PDPN: variants seen among roughly 807,000 people sequenced by gnomAD.
PDPN encodes PA2.26 antigen.
Under a neutral mutation model 23.2 loss-of-function variants are expected in PDPN, and 12 were observed. The ratio of observed to expected loss-of-function variants is 0.52; its 90% confidence interval spans 0.33 to 0.84. The LOEUF (loss-of-function observed/expected upper bound fraction) is 0.84, where lower values mean the gene tolerates loss of function less well. Among genes scored for constraint, PDPN ranks in the 40% least tolerant of loss-of-function variants. The probability of loss-of-function intolerance (pLI) is 0.02; values close to 1 mark genes in which losing one functional copy is unlikely to be tolerated. For synonymous variants in PDPN, 77 were observed against 76.7 expected, an observed-to-expected ratio of 1.00 and a Z score of -0.02; for missense variants, 199 against 212.2, an observed-to-expected ratio of 0.94 and a Z score of 0.39.
At position 13,604,890 on chromosome 1, in the gene PDPN, C is replaced by G. The variant is rs143853597; in HGVS notation, c.68-2283C>G. Among the ~76,000 whole-genome samples, 43 of 152,248 alleles carry G rather than the reference C, an allele frequency of 2.8e-4. No individual in the cohort carries two copies. In the East Asian group the frequency reaches 6.6e-3, roughly 23 times the overall value. On this transcript the variant is annotated intron_variant, in intron 1 of 5. Coordinates refer to ENST00000621990, the MANE Select transcript of PDPN (RefSeq NM_006474.5). ...GCCAATCACCAACCCTCACCTCTAC[C>G]CCTACTCCAGCAAAAGGCCACATGG...
Position 13,617,203 on chromosome 1 carries a change from G to T in PDPN, c.*1292G>T, listed in dbSNP as rs1641094977. On this transcript the variant is annotated 3_prime_UTR_variant, in exon 6 of 6. Coordinates refer to ENST00000621990, the MANE Select transcript of PDPN (RefSeq NM_006474.5). ...AACAAAGTTTTTACACTGAGCAGAT[G>T]CTCTGTCATGATGGCGGTTGTGCAA... The T allele has an allele frequency of 1.3e-5, 2 of 150,780 alleles. No individual in the cohort carries two copies. Among genetic ancestry groups the T allele is most frequent in the Admixed American group, 6.6e-5 (1 of 15,148 alleles). 9.3% of individuals were successfully genotyped at this position (150,780 alleles called of 1,614,324 possible).
chr1:13,596,533 G>C (rs751696345), intron 1 of PDPN, among the ~76,000 whole-genome samples: 1 of 152,212 alleles, frequency 6.6e-6, no homozygotes, highest in Admixed American at 6.5e-5. Flanking sequence ...TGTCGATCAC[G>C]ACCAGTGGCT....
chr1:13,584,324 G>A (rs1427044671), intron 1 of PDPN: 3 of 1,493,936 alleles, frequency 2.0e-6, no homozygotes, highest in African/African-American at 2.8e-5. Flanking sequence ...AGGAGCCCCG[G>A]AATCCACAGG....
chr1:13,583,953 T>C lies in PDPN; in HGVS notation c.-81T>C. ...GTCGCGCTCCTCCAGGCTGGGCCTG[T>C]GGCCGCGGTGCTTTTTAATTTTCCC... On this transcript the variant is annotated 5_prime_UTR_variant, in exon 1 of 6. Coordinates refer to ENST00000621990, the MANE Select transcript of PDPN (RefSeq NM_006474.5). 6.2e-7 allele frequency: 1 copy of C among 1,613,630 alleles called. No homozygotes were observed. The highest frequency in any genetic ancestry group is 2.2e-5 in the East Asian group (1 of 44,890).
intron 1 of PDPN, among the ~76,000 whole-genome samples, chr1:13,591,090 T>C (rs1324132674): frequency 1.3e-5 from 2 of 152,046 alleles, no homozygotes; most frequent in South Asian, 2.1e-4. Flanking sequence ...TACAGGCACG[T>C]GCCACCACGC....
chr1:13,613,736 T>C lies in PDPN; in HGVS notation c.370+11T>C. On this transcript the variant is annotated intron_variant, in intron 4 of 5. Coordinates refer to ENST00000621990, the MANE Select transcript of PDPN (RefSeq NM_006474.5). ...CAACAGTTGAGAAAGGTAGGCTAGA[T>C]TTTGGCATCAAAATACTCTTACTGG... 1 of 1,475,734 alleles carries C rather than the reference T, an allele frequency of 6.8e-7. No individual in the cohort carries two copies. Among genetic ancestry groups the C allele is most frequent in the East Asian group, 2.3e-5 (1 of 44,086 alleles). The allele number at this position is 1,475,734 out of a possible 1,614,324, so 91.4% of individuals were successfully genotyped here. A position where few individuals can be genotyped will look rare whatever the true frequency, so the allele number is the denominator to read the frequency against.
Position 13,607,259 on chromosome 1 carries a change from AC to A in PDPN, c.155del (p.Thr52IlefsTer13). ...GCCAGGTGCCGAAGATGATGTGGTG[AC>A]TCCAGGAACCAGCGAAGACCGCTAT... ...AMPGAEDDVV[T>X]PGTSEDRYKS... is the part of the protein sequence containing the mutation. On this transcript the variant is annotated frameshift_variant, in exon 2 of 6. Transcript: ENST00000621990. LOFTEE classifies it high-confidence loss of function. 6.2e-7 allele frequency: 1 copy of A among 1,614,074 alleles called. No homozygotes were observed. The highest frequency in any genetic ancestry group is 8.5e-7 in the Non-Finnish European group (1 of 1,179,986).
chr1:13,614,329 A>G lies in PDPN; in HGVS notation c.400A>G (p.Ile134Val). 1 of 1,605,490 alleles carries G rather than the reference A, an allele frequency of 6.2e-7. No individual in the cohort carries two copies. The highest frequency in any genetic ancestry group is 8.5e-7 in the Non-Finnish European group (1 of 1,172,214). ...DGLSTVTLVGIIVGVLLAIGF... is the reference protein window; with the variant it reads ...DGLSTVTLVGVIVGVLLAIGF... ...TTTGTCAACAGTGACCCTGGTTGGA[A>G]TCATAGTTGGGGTCTTACTAGCCAT... is the stretch of plus-strand genomic sequence containing the variant. The change falls in exon 5 of 6, where the codon ATC becomes GTC. Residue 134 changes from isoleucine (I) to valine (V), a missense_variant. By Grantham distance (29) the Ile-to-Val change is conservative. Transcript: ENST00000621990.
At chr1:13,595,013 GAA>G (rs1640455420) in intron 1 of PDPN, among the ~76,000 whole-genome samples, 1 of 145,800 alleles carries the variant, frequency 6.9e-6, no homozygotes, top group Non-Finnish European at 1.5e-5. Context: ...AAAAAAGAAA[GAA>G]AGAAAAAAAA....
intron 1 of PDPN, among the ~76,000 whole-genome samples, chr1:13,589,193 C>G (rs182339623): frequency 6.6e-6 from 1 of 152,126 alleles, no homozygotes; most frequent in African/African-American, 2.4e-5. Context: ...TTATTCCACC[C>G]GACAGCTCCA....
chr1:13,599,008 C>G (rs571991434), intron 1 of PDPN, among the ~76,000 whole-genome samples: 114 of 126,926 alleles, frequency 9.0e-4, no homozygotes, highest in Non-Finnish European at 1.6e-3. Context: ...AGTGCCCCCC[C>G]TCCTTTTTTT....
At chr1:13,607,349 G>C in intron 2 of PDPN, 43 bp downstream of exon 2, 1 of 1,562,490 alleles carries the variant, frequency 6.4e-7, no homozygotes, top group Non-Finnish European at 8.8e-7. Context: ...GTAGGCATGT[G>C]ATCACATGCA....
Position 13,612,880 on chromosome 1 carries a change from A to AC in PDPN, c.332-807_332-806insC, listed in dbSNP as rs1326176749. 4.1e-4 allele frequency among the ~76,000 whole-genome samples: 22 copies of AC among 53,162 alleles called. No individual in the cohort carries two copies. In the East Asian group the frequency reaches 0.015, roughly 36 times the overall value. The allele number at this position is 53,162 out of a possible 152,430, so 34.9% of individuals were successfully genotyped here. A position where few individuals can be genotyped will look rare whatever the true frequency, so the allele number is the denominator to read the frequency against. ...ATTTTAGGGCAGGGCCTGATTGATG[A>AC]TTAACTTCTAAATCAAGGCATCTTG... is the stretch of plus-strand genomic sequence containing the variant. On this transcript the variant is annotated intron_variant, in intron 3 of 5. Transcript: ENST00000621990.
intron 1 of PDPN, among the ~76,000 whole-genome samples, chr1:13,594,637 C>T (rs904275581): frequency 6.6e-6 from 1 of 152,118 alleles, no homozygotes; most frequent in Admixed American, 6.5e-5. Flanking sequence ...ACCTCTTAGC[C>T]TCACCATTGT....
chr1:13,592,543 ATTTT>A (rs34176163), intron 1 of PDPN, among the ~76,000 whole-genome samples: 30 of 105,056 alleles, frequency 2.9e-4, no homozygotes, highest in African/African-American at 8.2e-4. Flanking sequence ...TGAAAAGATG[ATTTT>A]TTTTTTTTTT....
At chr1:13,603,567 T>A (rs1386111476) in intron 1 of PDPN, among the ~76,000 whole-genome samples, 1 of 151,784 alleles carries the variant, frequency 6.6e-6, no homozygotes. Flanking sequence ...CATCTTCTCC[T>A]AGGAAATAGA....
chr1:13,586,944 T>C (rs355029), intron 1 of PDPN, among the ~76,000 whole-genome samples: 3,283 of 152,186 alleles, frequency 0.022, 68 homozygotes, highest in South Asian at 0.072. Context: ...CCTAGTTACT[T>C]GGAGGCTGAG....
At chr1:13,590,248 C>A (rs996982306) in intron 1 of PDPN, among the ~76,000 whole-genome samples, 4 of 152,208 alleles carry the variant, frequency 2.6e-5, no homozygotes, top group Non-Finnish European at 5.9e-5. Flanking sequence ...AGGATGCTGT[C>A]CCTGTCCCCT....
chr1:13,611,790 T>C (rs890434030), intron 3 of PDPN, among the ~76,000 whole-genome samples: 2 of 152,174 alleles, frequency 1.3e-5, no homozygotes, highest in African/African-American at 2.4e-5. Flanking sequence ...TAAAGGGCTT[T>C]GAGATAAAAC....
Sources: gnomAD v4.1 joint callset for allele counts (sites outside exome capture counted in the v4.1 genomes callset) on GRCh38, gnomAD v4.1.1 for gene constraint, MANE v1.5 for transcripts, NCBI Gene and HGNC (gene_info 2026-07-23, HGNC 2026-07-21) for gene names.